Variants in FLNB observed in about 807,000 individuals in gnomAD.
FLNB encodes filamin-B.
In FLNB, 111 loss-of-function variants were observed where a neutral mutation model predicts 250.6. That is an observed-to-expected ratio of 0.44 (90% CI 0.38 to 0.52). The LOEUF (loss-of-function observed/expected upper bound fraction) is 0.52. Ranked by LOEUF, FLNB falls within the 20% of genes least tolerant of loss-of-function variation. FLNB has a pLI of 0.00. For missense variants in FLNB, 2,869 were observed against 3,447.8 expected (o/e 0.83, Z 4.20); for synonymous variants, 1,302 against 1,372.1 (o/e 0.95, Z 1.13).
At chr3:58,121,932 G>A (rs2107169452) in intron 20 of FLNB, among the ~76,000 whole-genome samples, 1 of 152,236 alleles carries the variant, frequency 6.6e-6, no homozygotes, top group East Asian at 1.9e-4. Flanking sequence ...CACTTTGGGA[G>A]GCCGAGGCGG....
At chr3:58,020,742 T>C (rs1186233554) in intron 1 of FLNB, among the ~76,000 whole-genome samples, 2 of 146,444 alleles carry the variant, frequency 1.4e-5, no homozygotes, top group South Asian at 4.3e-4. Flanking sequence ...AAAAGGCTAC[T>C]AAAGAGGTTG....
At chr3:58,015,233 T>TA (rs1267512366) in intron 1 of FLNB, among the ~76,000 whole-genome samples, 2 of 152,206 alleles carry the variant, frequency 1.3e-5, no homozygotes, top group Non-Finnish European at 2.9e-5. Context: ...GTTGCTATCT[T>TA]AGAGTTGCTG....
In FLNB at chr3:58,106,896, GTCT is replaced by G. The variant is rs770152962; in HGVS notation, c.1941+28_1941+30del. 3.1e-6 allele frequency: 5 copies of G among 1,607,956 alleles called. No homozygotes were observed. In the South Asian group the frequency reaches 4.4e-5, roughly 14 times the overall value. The stretch of plus-strand genomic sequence containing the variant: ...CTGGTGAATCAGCTGCTGTGCTTCT[GTCT>G]TCTTGTCCCTGGCCCCTGGTTCCTC... On this transcript the variant is annotated intron_variant, in intron 12 of 45. Coordinates refer to ENST00000295956, the MANE Select transcript of FLNB (RefSeq NM_001457.4).
At chr3:58,090,259 G>T (rs774900069) in intron 4 of FLNB, among the ~76,000 whole-genome samples, 4 of 151,682 alleles carry the variant, frequency 2.6e-5, no homozygotes, top group Non-Finnish European at 4.4e-5. Flanking sequence ...CTGGTAGGTC[G>T]TCAAGAGCAG....
intron 18 of FLNB, among the ~76,000 whole-genome samples, chr3:58,114,395 G>A (rs982275409): frequency 1.3e-5 from 2 of 151,976 alleles, no homozygotes; most frequent in East Asian, 1.9e-4. Flanking sequence ...CTCAGCCTCC[G>A]AAAGTGCTGG....
intron 1 of FLNB, among the ~76,000 whole-genome samples, chr3:58,012,288 C>T (rs1576581826): frequency 6.6e-6 from 1 of 151,234 alleles, no homozygotes; most frequent in Non-Finnish European, 1.5e-5. Context: ...GGAGAACAGC[C>T]TGGTTGTTTG....
At position 58,111,563 on chromosome 3, in the gene FLNB, T is replaced by C. The variant is rs533863447; in HGVS notation, c.2485-228T>C. Among the ~76,000 whole-genome samples, 8 of 152,312 alleles carry C rather than the reference T, an allele frequency of 5.3e-5. No homozygotes were observed. In the East Asian group the frequency reaches 1.5e-3, roughly 29 times the overall value. ...AAAGGCTCAAAGTCCTCGGGTTTGT[T>C]TGTGACATCAGGGATCCAGGCATTA... is the stretch of plus-strand genomic sequence containing the variant. On this transcript the variant is annotated intron_variant, in intron 16 of 45. Coordinates refer to ENST00000295956, the MANE Select transcript of FLNB (RefSeq NM_001457.4).
intron 2 of FLNB, 66 bp downstream of exon 2, chr3:58,077,360 G>C: frequency 6.4e-7 from 1 of 1,569,126 alleles, no homozygotes; most frequent in South Asian, 1.1e-5. Context: ...AAACATTCTG[G>C]TTTTCAACGG....
At chr3:58,122,199 A>C (rs1039568691) in intron 20 of FLNB, among the ~76,000 whole-genome samples, 1 of 149,074 alleles carries the variant, frequency 6.7e-6, no homozygotes, top group African/African-American at 2.5e-5. Flanking sequence ...CACAAAAAAA[A>C]ACATTATTCT....
At chr3:58,044,435 A>AC (rs1468621190) in intron 1 of FLNB, among the ~76,000 whole-genome samples, 6 of 134,846 alleles carry the variant, frequency 4.4e-5, no homozygotes, top group African/African-American at 1.3e-4. Flanking sequence ...TGTCTCTACA[A>AC]AAAACAAACA....
chr3:58,137,422 G>C (rs892351285), intron 28 of FLNB, among the ~76,000 whole-genome samples: 19 of 152,220 alleles, frequency 1.2e-4, no homozygotes, highest in African/African-American at 4.8e-5. Context: ...TCCTCCCCCA[G>C]CTTGGGCAGA....
intron 18 of FLNB, among the ~76,000 whole-genome samples, chr3:58,116,216 T>C (rs1238231676): frequency 6.6e-6 from 1 of 152,160 alleles, no homozygotes; most frequent in African/African-American, 2.4e-5. Context: ...AGTGTGCCCT[T>C]GGATGTGGTT....
chr3:58,087,476 C>T (rs868788582), intron 4 of FLNB, among the ~76,000 whole-genome samples: 13 of 151,526 alleles, frequency 8.6e-5, no homozygotes, highest in Non-Finnish European at 1.0e-4. Context: ...TTTTTTGAGA[C>T]GGAGTCTCAC....
At chr3:58,042,210 G>T (rs147906456) in intron 1 of FLNB, among the ~76,000 whole-genome samples, 1 of 152,304 alleles carries the variant, frequency 6.6e-6, no homozygotes, top group African/African-American at 2.4e-5. Flanking sequence ...AAATGTGGCT[G>T]TAGTGGACAC....
At chr3:58,049,097 T>C (rs1237384474) in intron 1 of FLNB, among the ~76,000 whole-genome samples, 7 of 152,246 alleles carry the variant, frequency 4.6e-5, no homozygotes. Flanking sequence ...CTTTTTAGTA[T>C]AAGTATGTTC....
intron 1 of FLNB, among the ~76,000 whole-genome samples, chr3:58,069,347 C>A (rs1223592893): frequency 1.4e-5 from 2 of 143,572 alleles, no homozygotes; most frequent in Middle Eastern, 3.5e-3. Flanking sequence ...TCAAGTGATT[C>A]TTGTGCCTCA....
chr3:58,075,733 G>A (rs1437952093), intron 1 of FLNB, among the ~76,000 whole-genome samples: 5 of 152,120 alleles, frequency 3.3e-5, no homozygotes, highest in African/African-American at 1.2e-4. Flanking sequence ...AAAAGAGTTA[G>A]GTAGGGATAG....
chr3:58,108,610 G>A (rs781575418), intron 13 of FLNB, 39 bp downstream of exon 13: 7 of 1,352,372 alleles, frequency 5.2e-6, no homozygotes, highest in African/African-American at 1.4e-5. Context: ...TAATTGTCAG[G>A]TAACAAGATC....
chr3:58,012,189 G>C lies in FLNB; in HGVS notation c.292+3333G>C, dbSNP rs575978488. Among the ~76,000 whole-genome samples the C allele has an allele frequency of 2.8e-5, 4 of 141,178 alleles. No homozygotes were observed. The South Asian group carries it at 9.7e-4, about 34-fold the overall frequency. 92.6% of individuals were successfully genotyped at this position (141,178 alleles called of 152,430 possible). ...TCTTTGTGTAACTGCACTCCAGCCT[G>C]GGAGAGCGAGACTCTGACTCAAAAA... On this transcript the variant is annotated intron_variant, in intron 1 of 45. Transcript: ENST00000295956.
Sources: allele counts gnomAD v4.1 joint callset (sites outside exome capture counted in the v4.1 genomes callset), GRCh38; gene constraint gnomAD v4.1.1; transcripts MANE v1.5; gene names NCBI Gene and HGNC (gene_info 2026-07-23, HGNC 2026-07-21).